The following GNAQ variants were observed in gnomAD, a reference collection of about 807,000 sequenced individuals.
GNAQ encodes G protein subunit alpha q, also known as guanine nucleotide-binding protein G(q) subunit alpha.
GNAQ carries 8 observed loss-of-function variants against 43.9 expected under a neutral mutation model. The ratio of observed to expected loss-of-function variants is 0.18; its 90% CI spans 0.11 to 0.33. GNAQ has a LOEUF of 0.33. GNAQ is among the 10% of genes least tolerant of loss of function. The probability of loss-of-function intolerance (pLI) is 1.00; values close to 1 mark genes in which losing one functional copy is unlikely to be tolerated. For synonymous variants in GNAQ, 155 were observed against 170.7 expected (o/e 0.91, Z 0.71); for missense variants, 158 against 450.8 (o/e 0.35, Z 5.88).
chr9:77,885,342 A>G (rs1411241225), intron 2 of GNAQ, among the ~76,000 whole-genome samples: 1 of 152,206 alleles, frequency 6.6e-6, no homozygotes, highest in Non-Finnish European at 1.5e-5. Context: ...GATGCAAGCA[A>G]AACTCCAAGA....
At chr9:77,853,871 C>T (rs1328096065) in intron 2 of GNAQ, among the ~76,000 whole-genome samples, 1 of 147,878 alleles carries the variant, frequency 6.8e-6, no homozygotes, top group Non-Finnish European at 1.5e-5. Flanking sequence ...TTCTAAGAAT[C>T]GTTCCACTAT....
chr9:77,936,714 C>T (rs1829238002), intron 1 of GNAQ, among the ~76,000 whole-genome samples: 1 of 152,212 alleles, frequency 6.6e-6, no homozygotes, highest in Non-Finnish European at 1.5e-5. Flanking sequence ...CATACCCCCG[C>T]ACTCACACCA....
chr9:77,730,301 CCTT>C (rs1489227430), intron 5 of GNAQ, among the ~76,000 whole-genome samples: 1 of 152,180 alleles, frequency 6.6e-6, no homozygotes, highest in Non-Finnish European at 1.5e-5. Flanking sequence ...GCTATGAACA[CCTT>C]CTGCTCAGCT....
intron 5 of GNAQ, among the ~76,000 whole-genome samples, chr9:77,730,903 T>A (rs1204954636): frequency 1.3e-5 from 2 of 152,072 alleles, no homozygotes; most frequent in African/African-American, 2.4e-5. Flanking sequence ...TAAAAAAAAA[T>A]TTAAAGAAAG....
chr9:77,836,802 A>G (rs1198137334), intron 2 of GNAQ, among the ~76,000 whole-genome samples: 2 of 152,242 alleles, frequency 1.3e-5, no homozygotes, highest in Admixed American at 6.5e-5. Context: ...ATTAAATCCT[A>G]TATCTATACA....
intron 5 of GNAQ, among the ~76,000 whole-genome samples, chr9:77,777,798 T>G (rs1398000361): frequency 6.6e-6 from 1 of 151,754 alleles, no homozygotes; most frequent in African/African-American, 2.4e-5. Context: ...ATGGCTAAAA[T>G]AAAAAAGAAA....
chr9:77,853,986 G>A (rs1036727296), intron 2 of GNAQ, among the ~76,000 whole-genome samples: 1 of 152,060 alleles, frequency 6.6e-6, no homozygotes, highest in African/African-American at 2.4e-5. Context: ...GAAAAAATGA[G>A]TTAGGGGCTC....
At chr9:77,886,510 G>T (rs893248005) in intron 2 of GNAQ, among the ~76,000 whole-genome samples, 1 of 152,018 alleles carries the variant, frequency 6.6e-6, no homozygotes, top group African/African-American at 2.4e-5. Context: ...CCTGGAATGA[G>T]CTTTGAATTT....
intron 5 of GNAQ, among the ~76,000 whole-genome samples, chr9:77,745,390 C>G (rs140834711): frequency 9.4e-4 from 143 of 151,924 alleles, no homozygotes; most frequent in Middle Eastern, 3.4e-3. Flanking sequence ...GCAAACGCAC[C>G]GCAGTGAGTA....
At chr9:77,818,416 C>T (rs1278279162) in intron 2 of GNAQ, among the ~76,000 whole-genome samples, 2 of 148,876 alleles carry the variant, frequency 1.3e-5, no homozygotes, top group African/African-American at 5.0e-5. Flanking sequence ...TAAACGTTCC[C>T]AATGGAAATG....
chr9:77,941,756 A>G (rs1318248905), intron 1 of GNAQ, among the ~76,000 whole-genome samples: 1 of 152,220 alleles, frequency 6.6e-6, no homozygotes, highest in Admixed American at 6.5e-5. Flanking sequence ...CCATATGATG[A>G]GAGACTACGC....
chr9:77,954,417 A>C lies in GNAQ; in HGVS notation c.137-32072T>G, dbSNP rs1391095197. Among the ~76,000 whole-genome samples the C allele has an allele frequency of 2.0e-5, 3 of 152,246 alleles. No homozygotes were observed. In the East Asian group the frequency reaches 5.8e-4, roughly 29 times the overall value. ...ACCACCATAGTACGGCTTAAGGAAG[A>C]GAAGAACTGAGAGCACTACAATTTT... On this transcript the variant is annotated intron_variant, in intron 1 of 6. Coordinates refer to ENST00000286548, the MANE Select transcript of GNAQ (RefSeq NM_002072.5).
intron 2 of GNAQ, among the ~76,000 whole-genome samples, chr9:77,878,344 A>G (rs1239213004): frequency 6.6e-6 from 1 of 151,988 alleles, no homozygotes; most frequent in Non-Finnish European, 1.5e-5. Context: ...AAGGAGAAAG[A>G]AAGGATTGAA....
intron 2 of GNAQ, among the ~76,000 whole-genome samples, chr9:77,921,502 C>T (rs545291838): frequency 1.4e-4 from 22 of 152,272 alleles, no homozygotes; most frequent in Admixed American, 1.4e-3. Flanking sequence ...CTACTTCAAC[C>T]AAGAAATAAT....
chr9:77,815,363 C>T (rs541354446), intron 3 of GNAQ, among the ~76,000 whole-genome samples: 1 of 152,200 alleles, frequency 6.6e-6, no homozygotes, highest in East Asian at 1.9e-4. Context: ...AAATCAGATT[C>T]CTAGAGTCTT....
intron 5 of GNAQ, among the ~76,000 whole-genome samples, chr9:77,733,152 TG>T (rs1825521919): frequency 6.6e-6 from 1 of 152,162 alleles, no homozygotes; most frequent in African/African-American, 2.4e-5. Flanking sequence ...GATGGGTACC[TG>T]CTCCCTGCTT....
intron 1 of GNAQ, among the ~76,000 whole-genome samples, chr9:77,968,747 C>T (rs1823199546): frequency 6.6e-6 from 1 of 152,200 alleles, no homozygotes; most frequent in Non-Finnish European, 1.5e-5. Context: ...CAAGACAGTG[C>T]CGTTTGCCAA....
chr9:77,737,915 C>A (rs148958489), intron 5 of GNAQ, among the ~76,000 whole-genome samples: 80 of 152,280 alleles, frequency 5.3e-4, no homozygotes, highest in South Asian at 1.9e-3. Context: ...CCAGATTTAG[C>A]CAGAAGCAGA....
chr9:77,817,627 T>C (rs1189387166), intron 2 of GNAQ, among the ~76,000 whole-genome samples: 1 of 152,172 alleles, frequency 6.6e-6, no homozygotes, highest in Non-Finnish European at 1.5e-5. Context: ...AGCTGTATGA[T>C]TGTAAATATA....
Sources: gnomAD v4.1 joint callset for allele counts (sites outside exome capture counted in the v4.1 genomes callset) on GRCh38, gnomAD v4.1.1 for gene constraint, MANE v1.5 for transcripts, NCBI Gene and HGNC (gene_info 2026-07-23, HGNC 2026-07-21) for gene names.